Variants in LYST observed in about 807,000 individuals in gnomAD.
LYST encodes lysosomal-trafficking regulator.
LYST carries 192 observed loss-of-function variants against 413.6 expected under a neutral mutation model. The observed-to-expected ratio is 0.46, with a 90% CI of 0.41 to 0.52. The LOEUF (loss-of-function observed/expected upper bound fraction) is 0.52, where lower values mean the gene tolerates loss of function less well. LYST is among the 20% of genes least tolerant of loss of function. The pLI is 0.00. For missense variants in LYST, 3,815 were observed against 4,499.9 expected (o/e 0.85, Z 4.35); for synonymous variants, 1,525 against 1,567.3 (o/e 0.97, Z 0.64).
At chr1:235,721,192 G>T (rs1338978702) in intron 39 of LYST, among the ~76,000 whole-genome samples, 1 of 149,594 alleles carries the variant, frequency 6.7e-6, no homozygotes, top group African/African-American at 2.5e-5. Context: ...GATACTAAAA[G>T]AAAAAAAAAT....
Position 235,662,834 on chromosome 1 carries a change from T to C in LYST, c.*106A>G. On this transcript the variant is annotated 3_prime_UTR_variant, in exon 53 of 53. Coordinates refer to ENST00000389793, the MANE Select transcript of LYST (RefSeq NM_000081.4). ...ATAGACTTTATCATTATTTGGATGG[T>C]TTGTCCAGTCATCCATTTCTTTAGG... 1 of 783,328 alleles carries C rather than the reference T, an allele frequency of 1.3e-6. No individual in the cohort carries two copies. Among genetic ancestry groups the C allele is most frequent in the Non-Finnish European group, 2.3e-6 (1 of 425,634 alleles). The allele number at this position is 783,328 out of a possible 1,614,324, so 48.5% of individuals were successfully genotyped here.
intron 16 of LYST, among the ~76,000 whole-genome samples, chr1:235,778,107 A>C (rs1276038093): frequency 1.4e-5 from 2 of 144,876 alleles, no homozygotes; most frequent in Non-Finnish European, 3.0e-5. Flanking sequence ...AAATATATAT[A>C]TATATATATA....
At chr1:235,690,010 A>C (rs183855600) in intron 47 of LYST, among the ~76,000 whole-genome samples, 1 of 152,306 alleles carries the variant, frequency 6.6e-6, no homozygotes, top group East Asian at 1.9e-4. Context: ...ACATCAATCT[A>C]ATGTAACAGT....
intron 3 of LYST, among the ~76,000 whole-genome samples, chr1:235,826,011 A>G (rs1271895354): frequency 6.6e-6 from 1 of 152,222 alleles, no homozygotes; most frequent in Non-Finnish European, 1.5e-5. Flanking sequence ...TGCAGTCTAG[A>G]AAGACCCATA....
intron 1 of LYST, among the ~76,000 whole-genome samples, chr1:235,880,308 C>T (rs1447941686): frequency 6.6e-6 from 1 of 152,160 alleles, no homozygotes; most frequent in Non-Finnish European, 1.5e-5. Flanking sequence ...ATACTGCCTT[C>T]CCTTGTGGAG....
chr1:235,703,319 A>G (rs1661700727), intron 44 of LYST, among the ~76,000 whole-genome samples: 1 of 152,238 alleles, frequency 6.6e-6, no homozygotes, highest in Non-Finnish European at 1.5e-5. Context: ...AAATGAAGTT[A>G]AAATACAATG....
At position 235,730,863 on chromosome 1, in the gene LYST, C is replaced by A. The variant is rs780316349; in HGVS notation, c.9028G>T (p.Ala3010Ser). ...CAAAGTTACCTTATAGATTCACTTG[C>A]AGCTTTGTCTTTGACAGTAGAAGAG... ...SFSSTVKDKAASESIRVNRRC... is the reference protein window; with the variant it reads ...SFSSTVKDKASSESIRVNRRC... The change falls in exon 36 of 53, where the codon GCA (alanine) becomes TCA (serine). Residue 3010 changes from alanine (A) to serine (S), a missense_variant. Ala to Ser is a moderately conservative substitution (Grantham distance 99). Transcript: ENST00000389793. 10 of 1,608,684 alleles carry A rather than the reference C, an allele frequency of 6.2e-6. No homozygotes were observed. The African/African-American group carries it at 1.1e-4, about 17-fold the overall frequency.
intron 10 of LYST, among the ~76,000 whole-genome samples, chr1:235,795,140 T>C (rs1350040227): frequency 6.6e-6 from 1 of 152,082 alleles, no homozygotes; most frequent in Non-Finnish European, 1.5e-5. Flanking sequence ...CCATCTAAGG[T>C]CTGGAGAGAA....
chr1:235,814,749 T>G (rs552775070), intron 3 of LYST, among the ~76,000 whole-genome samples: 1 of 152,078 alleles, frequency 6.6e-6, no homozygotes, highest in African/African-American at 2.4e-5. Flanking sequence ...CTCCTTCTGG[T>G]GTCCTGGTTG....
intron 1 of LYST, among the ~76,000 whole-genome samples, chr1:235,866,509 C>T (rs1680539525): frequency 6.6e-6 from 1 of 152,252 alleles, no homozygotes; most frequent in African/African-American, 2.4e-5. Flanking sequence ...GCCTGCTCGA[C>T]CTCGCCCCCC....
rs1658157469 is a variant in LYST, at chr1:235,663,045, G to A, written c.11301C>T (p.Tyr3767=). ...TCACGGTCCCATCACTGTTTGCTGT[G>A]TACAAATGGTGGCCATCACAAGAAA... is the stretch of plus-strand genomic sequence containing the variant. ...LTFSCDGHHL[Y]TANSDGTVIA... is the part of the protein sequence containing the mutation. Residue 3767 remains tyrosine (Y), a synonymous_variant, in exon 53 of 53, where the codon TAC becomes TAT. Coordinates refer to ENST00000389793, the MANE Select transcript of LYST (RefSeq NM_000081.4). 1.2e-6 allele frequency: 2 copies of A among 1,613,098 alleles called. No homozygotes were observed. The highest frequency in any genetic ancestry group is 1.7e-6 in the Non-Finnish European group (2 of 1,179,674).
chr1:235,771,905 GT>G (rs1225336463), intron 19 of LYST, among the ~76,000 whole-genome samples: 1 of 133,834 alleles, frequency 7.5e-6, no homozygotes, highest in Non-Finnish European at 1.6e-5. Context: ...ATTAGAAAAG[GT>G]TTTTTAGTTT....
chr1:235,682,393 T>C (rs761837430), intron 48 of LYST, among the ~76,000 whole-genome samples: 1 of 152,154 alleles, frequency 6.6e-6, no homozygotes, highest in Non-Finnish European at 1.5e-5. Context: ...AACAGGCTGC[T>C]GGCGGACATG....
At position 235,787,290 on chromosome 1, in the gene LYST, T is replaced by C. The variant is rs1420068756; in HGVS notation, c.4772A>G (p.Lys1591Arg). 1 of 1,613,566 alleles carries C rather than the reference T, an allele frequency of 6.2e-7. No individual in the cohort carries two copies. Among genetic ancestry groups the C allele is most frequent in the East Asian group, 2.2e-5 (1 of 44,844 alleles). ...ESQENIFLPSKWQHLVLTYLQ... is the reference protein window; with the variant it reads ...ESQENIFLPSRWQHLVLTYLQ... Reference sequence around the variant, plus strand: ...GTAGGTGAGTACTAAATGTTGCCATTTGCTTGGGAGGAAAATATTCTCCTG... The same window carrying C: ...GTAGGTGAGTACTAAATGTTGCCATCTGCTTGGGAGGAAAATATTCTCCTG... Residue 1591 changes from lysine to arginine, a missense_variant, in exon 14 of 53, where the codon AAA (lysine) becomes AGA (arginine). Transcript: ENST00000389793.
At chr1:235,739,534 G>A (rs1665144985) in intron 31 of LYST, among the ~76,000 whole-genome samples, 1 of 146,840 alleles carries the variant, frequency 6.8e-6, no homozygotes, top group South Asian at 2.1e-4. Flanking sequence ...TATGTAAAGA[G>A]ATCTACATAT....
intron 1 of LYST, among the ~76,000 whole-genome samples, chr1:235,860,221 A>C (rs1679701734): frequency 6.6e-6 from 1 of 152,192 alleles, no homozygotes; most frequent in Non-Finnish European, 1.5e-5. Context: ...GTTCACAACA[A>C]AACAGAGAGG....
intron 34 of LYST, among the ~76,000 whole-genome samples, chr1:235,731,541 C>A (rs1664374626): frequency 6.8e-6 from 1 of 147,066 alleles, no homozygotes. Flanking sequence ...TAATTTTTTA[C>A]ATTTCCCATT....
intron 7 of LYST, among the ~76,000 whole-genome samples, chr1:235,803,442 A>AT (rs1159384941): frequency 2.6e-5 from 4 of 152,094 alleles, no homozygotes; most frequent in Admixed American, 1.3e-4. Context: ...AATAAAAAAG[A>AT]TTTTTTCATA....
intron 36 of LYST, 151 bp downstream of exon 36, chr1:235,730,696 T>C (rs1664308518): frequency 3.2e-6 from 2 of 625,070 alleles, no homozygotes; most frequent in South Asian, 3.8e-5. Flanking sequence ...TCCTTTTGGA[T>C]TTTGGCCATA....
Sources: allele counts gnomAD v4.1 joint callset (sites outside exome capture counted in the v4.1 genomes callset), GRCh38; gene constraint gnomAD v4.1.1; transcripts MANE v1.5; gene names NCBI Gene and HGNC (gene_info 2026-07-23, HGNC 2026-07-21).